Variants in MTUS2 observed in about 807,000 individuals in gnomAD.
MTUS2 encodes microtubule associated scaffold protein 2.
In MTUS2, 40 loss-of-function variants were observed where a neutral mutation model predicts 114.1. The observed-to-expected ratio is 0.35, with a 90% CI of 0.27 to 0.46. MTUS2 has a LOEUF of 0.46. MTUS2 is among the 20% of genes least tolerant of loss of function. The probability of loss-of-function intolerance (pLI) is 1.00; values close to 1 mark genes in which losing one functional copy is unlikely to be tolerated. For missense variants in MTUS2, 1,679 were observed against 1,705.4 expected (o/e 0.98, Z 0.27); for synonymous variants, 688 against 672.0 (o/e 1.02, Z -0.37).
At chr13:29,288,573 G>T (rs1266913203) in intron 6 of MTUS2, among the ~76,000 whole-genome samples, 5 of 152,148 alleles carry the variant, frequency 3.3e-5, no homozygotes, top group Admixed American at 6.5e-5. Context: ...GAAAAGTAAA[G>T]AATTACTGGA....
At chr13:29,417,187 G>C (rs1353181117) in intron 8 of MTUS2, among the ~76,000 whole-genome samples, 3 of 152,116 alleles carry the variant, frequency 2.0e-5, no homozygotes, top group African/African-American at 7.2e-5. Flanking sequence ...GCATCACATG[G>C]AGAGAAAGGG....
At chr13:29,150,723 T>A (rs556805523) in intron 5 of MTUS2, among the ~76,000 whole-genome samples, 1 of 152,248 alleles carries the variant, frequency 6.6e-6, no homozygotes, top group East Asian at 1.9e-4. Flanking sequence ...TATATACTGA[T>A]ATGTAGTGGT....
At chr13:29,226,468 T>TTC (rs563986436) in intron 5 of MTUS2, among the ~76,000 whole-genome samples, 64 of 152,298 alleles carry the variant, frequency 4.2e-4, no homozygotes, top group Non-Finnish European at 8.4e-4. Context: ...GCTAGGCACC[T>TTC]TCCCTCAGTC....
At chr13:29,046,462 C>T (rs918554343) in intron 4 of MTUS2, among the ~76,000 whole-genome samples, 2 of 152,176 alleles carry the variant, frequency 1.3e-5, no homozygotes, top group Non-Finnish European at 2.9e-5. Flanking sequence ...TATCTTAGCA[C>T]TGGCATTTGA....
intron 6 of MTUS2, among the ~76,000 whole-genome samples, chr13:29,300,809 A>G (rs1412286893): frequency 6.6e-6 from 1 of 152,208 alleles, no homozygotes; most frequent in East Asian, 1.9e-4. Flanking sequence ...ATTCACTAGC[A>G]CAGAGCTTAT....
intron 5 of MTUS2, among the ~76,000 whole-genome samples, chr13:29,210,812 C>A (rs1895396751): frequency 6.6e-6 from 1 of 151,690 alleles, no homozygotes; most frequent in Admixed American, 6.6e-5. Flanking sequence ...GTACGAGCAC[C>A]TCCTCCAGTG....
intron 9 of MTUS2, among the ~76,000 whole-genome samples, chr13:29,471,742 G>GGCCCCCCCCCCCCC (rs1880317604): frequency 7.6e-6 from 1 of 131,602 alleles, no homozygotes. Context: ...TGCAGGCCCA[G>GGCCCCCCCCCCCCC]CCCCCCCCGA....
chr13:28,848,190 GCTTTCCAAGAATTTACTAT>G (rs1202815537), intron 2 of MTUS2, among the ~76,000 whole-genome samples: 7 of 152,126 alleles, frequency 4.6e-5, no homozygotes, highest in African/African-American at 7.2e-5. Flanking sequence ...TTTGGTTTCT[GCTTTCCAAGAATTTACTAT>G]CTTTCCAAGA....
intron 3 of MTUS2, among the ~76,000 whole-genome samples, chr13:29,029,774 A>T (rs1886730169): frequency 6.6e-6 from 1 of 152,094 alleles, no homozygotes; most frequent in African/African-American, 2.4e-5. Flanking sequence ...GCAAGAGGGG[A>T]GTGGAGGAGG....
rs76042662 is a variant in MTUS2, at chr13:28,986,425, C to T, written c.-242-38032C>T. Among the ~76,000 whole-genome samples the T allele has an allele frequency of 4.5e-3, 680 of 152,280 alleles. 3 individuals are homozygous for T. Among genetic ancestry groups the T allele is most frequent in the African/African-American group, 6.9e-3 (288 of 41,556 alleles). On this transcript the variant is annotated intron_variant, in intron 2 of 15. Coordinates refer to ENST00000612955, the MANE Select transcript of MTUS2 (RefSeq NM_001033602.4). ...CCTGGCTTCAGAGCCCAGAGGGAAA[C>T]GCAGCAGCTGGGACTCCCACTTAGT...
At chr13:28,903,921 C>G (rs1185231932) in intron 2 of MTUS2, among the ~76,000 whole-genome samples, 5 of 152,168 alleles carry the variant, frequency 3.3e-5, no homozygotes, top group African/African-American at 1.2e-4. Flanking sequence ...TCTCCAACAC[C>G]TGGTGTTTCC....
At chr13:28,912,234 G>T (rs1337136692) in intron 2 of MTUS2, among the ~76,000 whole-genome samples, 1 of 152,130 alleles carries the variant, frequency 6.6e-6, no homozygotes, top group Non-Finnish European at 1.5e-5. Flanking sequence ...CATATGGCTA[G>T]CCAGTTCTCC....
chr13:29,462,875 A>T (rs1393992048), intron 9 of MTUS2, among the ~76,000 whole-genome samples: 1 of 152,146 alleles, frequency 6.6e-6, no homozygotes, highest in Non-Finnish European at 1.5e-5. Flanking sequence ...AAGGTGCACC[A>T]GGCTGAACGA....
At chr13:29,464,164 G>C (rs1352849685) in intron 9 of MTUS2, among the ~76,000 whole-genome samples, 1 of 152,224 alleles carries the variant, frequency 6.6e-6, no homozygotes, top group East Asian at 1.9e-4. Context: ...CTGCAAGGAG[G>C]CTGGGAACAG....
At chr13:29,391,705 GTAAA>G (rs1490284098) in intron 8 of MTUS2, among the ~76,000 whole-genome samples, 3 of 151,070 alleles carry the variant, frequency 2.0e-5, no homozygotes, top group South Asian at 2.1e-4. Flanking sequence ...GATAAAATAA[GTAAA>G]TAAAAACTAA....
chr13:29,329,618 T>A (rs1900680479), intron 7 of MTUS2, among the ~76,000 whole-genome samples: 1 of 143,424 alleles, frequency 7.0e-6, no homozygotes, highest in Non-Finnish European at 1.5e-5. Flanking sequence ...ATGTGTCTTT[T>A]TTTTTTTTTT....
At chr13:28,950,886 C>T (rs565671696) in intron 2 of MTUS2, among the ~76,000 whole-genome samples, 53 of 152,246 alleles carry the variant, frequency 3.5e-4, no homozygotes, top group African/African-American at 1.2e-3. Context: ...TAGACTTGCA[C>T]GATGCAGGGT....
intron 9 of MTUS2, among the ~76,000 whole-genome samples, chr13:29,458,540 C>G (rs1255457561): frequency 6.6e-6 from 1 of 152,062 alleles, no homozygotes; most frequent in Non-Finnish European, 1.5e-5. Context: ...GTCCTAGATG[C>G]TGTCTTAGGC....
intron 5 of MTUS2, among the ~76,000 whole-genome samples, chr13:29,168,010 AC>A (rs909600496): frequency 6.6e-6 from 1 of 152,210 alleles, no homozygotes; most frequent in African/African-American, 2.4e-5. Flanking sequence ...ATTTTGTTGA[AC>A]TGACATCATT....
Sources: gnomAD v4.1 joint callset for allele counts (sites outside exome capture counted in the v4.1 genomes callset) on GRCh38, gnomAD v4.1.1 for gene constraint, MANE v1.5 for transcripts, NCBI Gene and HGNC (gene_info 2026-07-23, HGNC 2026-07-21) for gene names.